The following HM13 variants were observed in gnomAD, a reference collection of about 807,000 sequenced individuals.
HM13 encodes signal peptide peptidase.
HM13 carries 18 observed loss-of-function variants against 50.0 expected under a neutral mutation model. The observed-to-expected ratio is 0.36, with a 90% CI of 0.25 to 0.53. HM13 has a LOEUF of 0.53. HM13 is among the 20% of genes least tolerant of loss of function. The pLI is 0.90. For synonymous variants in HM13, 197 were observed against 232.6 expected (o/e 0.85, Z 1.39); for missense variants, 393 against 552.4 (o/e 0.71, Z 2.89).
At chr20:31,543,378 C>T (rs1206882156) in intron 3 of HM13, among the ~76,000 whole-genome samples, 2 of 152,138 alleles carry the variant, frequency 1.3e-5, no homozygotes, top group African/African-American at 2.4e-5. Context: ...CTCTGCCCCC[C>T]GGGTTCAAGC....
At chr20:31,546,189 A>G (rs2122613885) in intron 4 of HM13, among the ~76,000 whole-genome samples, 1 of 151,334 alleles carries the variant, frequency 6.6e-6, no homozygotes, top group East Asian at 2.0e-4. Context: ...AGCTGGGACT[A>G]CAGGCGCCCG....
rs1289955400 is a variant in HM13, at chr20:31,550,057, C to T, written c.667-7C>T. The T allele has an allele frequency of 1.9e-6, 3 of 1,612,400 alleles. No individual in the cohort carries two copies. The highest frequency in any genetic ancestry group is 2.5e-6 in the Non-Finnish European group (3 of 1,178,658). On this transcript the variant is annotated splice_polypyrimidine_tract_variant and splice_region_variant and intron_variant, in intron 6 of 12. Transcript: ENST00000398174. ...CCCTTCATACTGCTCTTTTTTTCTC[C>T]TTCTAGGTATTTGGCACCAATGTGA...
intron 10 of HM13, 126 bp from the exon 11 acceptor site, chr20:31,566,084 G>T: frequency 1.5e-6 from 1 of 647,080 alleles, no homozygotes. Flanking sequence ...CCCAGCCACT[G>T]ACTTGCTATG....
At position 31,569,234 on chromosome 20, in the gene HM13, G is replaced by C. The variant is rs201596839; in HGVS notation, c.*15G>C. On this transcript the variant is annotated 3_prime_UTR_variant, in exon 13 of 13. Coordinates refer to ENST00000398174, the MANE Select transcript of HM13 (RefSeq NM_178581.3). The stretch of plus-strand genomic sequence containing the variant: ...AAGAGAAATGATGCAGCTGGTGCCC[G>C]AGCCTCTCAGGGCCAGACCAGACAG... The C allele has an allele frequency of 1.3e-6, 2 of 1,522,880 alleles. No individual in the cohort carries two copies. The highest frequency in any genetic ancestry group is 1.2e-5 in the South Asian group (1 of 85,522). The allele number at this position is 1,522,880 out of a possible 1,614,324, so 94.3% of individuals were successfully genotyped here.
chr20:31,522,331 G>T (rs1397024172), intron 1 of HM13, among the ~76,000 whole-genome samples: 2 of 152,156 alleles, frequency 1.3e-5, no homozygotes, highest in African/African-American at 4.8e-5. Context: ...GGGAGGCCAA[G>T]GCAGGCAGAT....
intron 7 of HM13, 57 bp downstream of exon 7, chr20:31,550,178 C>T (rs1568793779): frequency 7.7e-7 from 1 of 1,297,776 alleles, no homozygotes; most frequent in East Asian, 2.3e-5. Flanking sequence ...GGGCCATGCC[C>T]CCACAGCCCG....
chr20:31,526,081 C>T (rs1982472574), intron 1 of HM13, among the ~76,000 whole-genome samples: 1 of 152,044 alleles, frequency 6.6e-6, no homozygotes, highest in Non-Finnish European at 1.5e-5. Flanking sequence ...GCCAAGATTG[C>T]ACCACTGCAC....
At chr20:31,564,732 C>T (rs558031421) in intron 10 of HM13, among the ~76,000 whole-genome samples, 3 of 151,784 alleles carry the variant, frequency 2.0e-5, no homozygotes, top group East Asian at 3.9e-4. Context: ...AAATATTAGC[C>T]GGGCATGGTG....
chr20:31,533,078 G>C (rs895277375), intron 2 of HM13, among the ~76,000 whole-genome samples: 22 of 152,282 alleles, frequency 1.4e-4, no homozygotes, highest in African/African-American at 5.1e-4. Context: ...GCTCCTCCTG[G>C]CCTCCCCCCT....
chr20:31,552,735 C>G (rs1464675631), intron 7 of HM13, among the ~76,000 whole-genome samples: 2 of 152,150 alleles, frequency 1.3e-5, no homozygotes, highest in South Asian at 2.1e-4. Context: ...GTCTCTGCCA[C>G]TCAAAATTGA....
intron 1 of HM13, among the ~76,000 whole-genome samples, chr20:31,519,370 G>T (rs1186368385): frequency 6.6e-6 from 1 of 152,200 alleles, no homozygotes; most frequent in Admixed American, 6.5e-5. Context: ...CAAAGTGCTG[G>T]GATTACAGGC....
chr20:31,536,924 C>T (rs1265703032), intron 2 of HM13, among the ~76,000 whole-genome samples: 2 of 152,206 alleles, frequency 1.3e-5, no homozygotes, highest in Non-Finnish European at 2.9e-5. Context: ...ATTCTTTCTC[C>T]CTCACTGGCC....
intron 2 of HM13, chr20:31,535,172 G>A (rs181053422): frequency 6.6e-6 from 1 of 152,052 alleles, no homozygotes; most frequent in East Asian, 1.9e-4. Context: ...TGAGGCATCT[G>A]TAAAGTAAGT....
Position 31,561,747 on chromosome 20 carries a change from C to A in HM13, c.948+11C>A. The A allele has an allele frequency of 1.3e-6, 2 of 1,571,720 alleles. No homozygotes were observed. The highest frequency in any genetic ancestry group is 1.1e-5 in the South Asian group (1 of 90,172). ...TTCAAGCATGCTCAGGTGGGCAGGA[C>A]GGTATCAGAGTGTCAGGAATGCCTC... On this transcript the variant is annotated intron_variant, in intron 10 of 12. Transcript: ENST00000398174.
chr20:31,568,208 C>T lies in HM13; in HGVS notation c.1165C>T (p.Gln389Ter). 6.2e-7 allele frequency: 1 copy of T among 1,612,852 alleles called. No homozygotes were observed. The change falls in exon 12 of 13, where the codon CAG becomes TAG. Residue 389 changes from glutamine to a stop codon, truncating the protein, a stop_gained. Transcript: ENST00000398174. LOFTEE classifies it high-confidence loss of function. ...AGCTGGCCCTCGCCGCCGGCGCCCG[C>T]AGAATCCCAGCGCCATGTAATGCCC... ...KLAGPRRRRPQNPSAIYEESN... is the reference protein window; with the variant it reads ...KLAGPRRRRP
chr20:31,542,161 A>G (rs1226325100), intron 3 of HM13, among the ~76,000 whole-genome samples: 1 of 152,250 alleles, frequency 6.6e-6, no homozygotes, highest in Non-Finnish European at 1.5e-5. Flanking sequence ...TTCCTAGCCC[A>G]CATTAAGCCT....
At chr20:31,551,693 C>CA (rs1452475727) in intron 7 of HM13, among the ~76,000 whole-genome samples, 1 of 152,222 alleles carries the variant, frequency 6.6e-6, no homozygotes, top group Non-Finnish European at 1.5e-5. Flanking sequence ...ACAGTGAGTG[C>CA]ATGCCATGGA....
chr20:31,558,609 C>A (rs1329164637), intron 8 of HM13, among the ~76,000 whole-genome samples: 1 of 152,142 alleles, frequency 6.6e-6, no homozygotes, highest in Non-Finnish European at 1.5e-5. Flanking sequence ...TTCACCCCTG[C>A]CCAGCCTAGG....
intron 4 of HM13, among the ~76,000 whole-genome samples, chr20:31,546,044 CTT>C (rs35862306): frequency 0.21 from 21,907 of 102,310 alleles, 3,200 homozygotes; most frequent in African/African-American, 0.51. Flanking sequence ...AAATCTAGCA[CTT>C]TTTTTTTTTT....
Sources: gnomAD v4.1 joint callset for allele counts (sites outside exome capture counted in the v4.1 genomes callset) on GRCh38, gnomAD v4.1.1 for gene constraint, MANE v1.5 for transcripts, NCBI Gene and HGNC (gene_info 2026-07-23, HGNC 2026-07-21) for gene names.